The following GSE1 variants were observed in gnomAD, a reference collection of about 807,000 sequenced individuals.
The protein encoded by GSE1 is genetic suppressor element 1.
In GSE1, 32 loss-of-function variants were observed where a neutral mutation model predicts 112.6. The ratio of observed to expected loss-of-function variants is 0.28; its 90% CI spans 0.21 to 0.38. GSE1 has a LOEUF of 0.38. GSE1 is among the 10% of genes least tolerant of loss of function. The pLI is 1.00. For synonymous variants in GSE1, 1,115 were observed against 735.6 expected (o/e 1.52, Z -8.35); for missense variants, 2,348 against 1,699.2 (o/e 1.38, Z -6.71).
intron 1 of GSE1, among the ~76,000 whole-genome samples, chr16:85,329,778 A>G (rs892471964): frequency 6.6e-6 from 1 of 151,620 alleles, no homozygotes; most frequent in Non-Finnish European, 1.5e-5. Flanking sequence ...GAGGGCAAGG[A>G]ACTCATTAAA....
intron 2 of GSE1, among the ~76,000 whole-genome samples, chr16:85,474,347 C>T (rs1386774205): frequency 1.3e-5 from 2 of 152,198 alleles, no homozygotes; most frequent in Admixed American, 6.5e-5. Context: ...CTCTGCCCTC[C>T]TCCGCATCCT....
chr16:85,172,561 G>A, intron 1 of GSE1, among the ~76,000 whole-genome samples: 1 of 152,232 alleles, frequency 6.6e-6, no homozygotes, highest in East Asian at 1.9e-4. Flanking sequence ...GCTTTGCAAG[G>A]GACCAAGCAG....
At chr16:85,377,121 G>A (rs2047438727) in intron 2 of GSE1, among the ~76,000 whole-genome samples, 2 of 152,250 alleles carry the variant, frequency 1.3e-5, no homozygotes, top group African/African-American at 2.4e-5. Flanking sequence ...TGTGTGCACA[G>A]TTGTGGATGA....
At chr16:85,671,436 T>A (rs1238182233) in intron 15 of GSE1, among the ~76,000 whole-genome samples, 1 of 18,086 alleles carries the variant, frequency 5.5e-5, no homozygotes, top group Non-Finnish European at 1.2e-4. Flanking sequence ...CGAGACTCCG[T>A]CTCAAAAAAA....
intron 1 of GSE1, among the ~76,000 whole-genome samples, chr16:85,195,186 G>C (rs928932127): frequency 6.6e-6 from 1 of 152,178 alleles, no homozygotes; most frequent in Admixed American, 6.5e-5. Flanking sequence ...TTTAATGTAA[G>C]ATTTAAAAAA....
intron 2 of GSE1, among the ~76,000 whole-genome samples, chr16:85,465,200 T>C (rs566477719): frequency 1.3e-5 from 2 of 152,286 alleles, no homozygotes; most frequent in South Asian, 2.1e-4. Context: ...AGCGGTTGGG[T>C]GGGAATCCTG....
chr16:85,624,915 G>T (rs922423665), intron 1 of GSE1, among the ~76,000 whole-genome samples: 1 of 152,236 alleles, frequency 6.6e-6, no homozygotes, highest in African/African-American at 2.4e-5. Flanking sequence ...GGCCCCAGCG[G>T]CCTGTGTCAC....
chr16:85,223,242 T>C (rs2075424038), intron 1 of GSE1, among the ~76,000 whole-genome samples: 1 of 152,186 alleles, frequency 6.6e-6, no homozygotes, highest in Admixed American at 6.5e-5. Flanking sequence ...GGTAAAATAG[T>C]CTGGGCACGT....
chr16:85,598,822 C>A (rs570123529), intron 1 of GSE1, among the ~76,000 whole-genome samples: 1 of 152,362 alleles, frequency 6.6e-6, no homozygotes, highest in African/African-American at 2.4e-5. Context: ...CTCGTCCGTT[C>A]TGCAGCCTCT....
chr16:85,654,238 T>C (rs777186915), intron 3 of GSE1, 40 bp from the exon 4 acceptor site: 27 of 1,554,294 alleles, frequency 1.7e-5, no homozygotes, highest in Middle Eastern at 2.1e-4. Flanking sequence ...CAGTGGCCTA[T>C]ACCAGGCTCC....
intron 2 of GSE1, among the ~76,000 whole-genome samples, chr16:85,416,843 T>TG (rs1555585575): frequency 1.3e-5 from 2 of 152,062 alleles, no homozygotes; most frequent in African/African-American, 2.4e-5. Context: ...TTGTTTTGTT[T>TG]TTTGTTTGTT....
chr16:85,600,987 AAGGTCGGC>A (rs778560196), intron 1 of GSE1, among the ~76,000 whole-genome samples: 135 of 149,678 alleles, frequency 9.0e-4, no homozygotes, highest in Middle Eastern at 3.4e-3. Context: ...GGGAGGAGGG[AAGGTCGGC>A]TTCCACCAGT....
At chr16:85,348,301 C>T (rs905801624) in intron 1 of GSE1, among the ~76,000 whole-genome samples, 30 of 112,756 alleles carry the variant, frequency 2.7e-4, no homozygotes, top group Non-Finnish European at 6.7e-5. Context: ...ACTGTTCATC[C>T]ATCCATCCAT....
rs542858367 is a variant in GSE1, at chr16:85,590,453, T to A, written c.37+34090T>A. 4.1e-5 allele frequency among the ~76,000 whole-genome samples: 6 copies of A among 146,992 alleles called. No homozygotes were observed. The East Asian group carries it at 1.2e-3, about 30-fold the overall frequency. On this transcript the variant is annotated intron_variant, in intron 1 of 2. Transcript: ENST00000635906. Reference sequence around the variant, plus strand: ...TGTGAATGAGTGTGAGCATGTGTGATTGTGTGAGCGTGTGTGACATCTTGT... The same window carrying A: ...TGTGAATGAGTGTGAGCATGTGTGAATGTGTGAGCGTGTGTGACATCTTGT...
At chr16:85,612,297 C>T (rs913118054), upstream of GSE1, among the ~76,000 whole-genome samples, 1 of 151,866 alleles carries the variant, frequency 6.6e-6, no homozygotes, top group Admixed American at 6.6e-5. Context: ...AAGGCTGGGG[C>T]CTTCAGTCCC....
At chr16:85,617,607 C>CTG in intron 1 of GSE1, among the ~76,000 whole-genome samples, 1 of 112,126 alleles carries the variant, frequency 8.9e-6, no homozygotes, top group Non-Finnish European at 2.2e-5. Flanking sequence ...CCCCCCCCCC[C>CTG]CCCCGTTAAC....
chr16:85,634,668 C>T (rs565273089), intron 2 of GSE1, among the ~76,000 whole-genome samples: 9 of 152,310 alleles, frequency 5.9e-5, no homozygotes, highest in East Asian at 1.9e-4. Context: ...AAGCGGCCCC[C>T]GGGGTCTGGA....
At chr16:85,655,352 C>T (rs529144113) in intron 5 of GSE1, among the ~76,000 whole-genome samples, 23 of 152,314 alleles carry the variant, frequency 1.5e-4, no homozygotes, top group African/African-American at 3.8e-4. Flanking sequence ...GGCCTGGGTC[C>T]GTGGAGAAGC....
intron 1 of GSE1, among the ~76,000 whole-genome samples, chr16:85,249,077 C>T (rs999727861): frequency 6.6e-6 from 1 of 152,230 alleles, no homozygotes; most frequent in Non-Finnish European, 1.5e-5. Flanking sequence ...CCTCCTGCCC[C>T]AGACACTTCA....
Sources: allele counts gnomAD v4.1 joint callset (sites outside exome capture counted in the v4.1 genomes callset), GRCh38; gene constraint gnomAD v4.1.1; transcripts MANE v1.5; gene names NCBI Gene and HGNC (gene_info 2026-07-23, HGNC 2026-07-21).